Variants in MUSK observed in about 807,000 individuals in gnomAD.
The protein encoded by MUSK is muscle associated receptor tyrosine kinase.
In MUSK, 55 loss-of-function variants were observed where a neutral mutation model predicts 88.7. The observed-to-expected ratio is 0.62, with a 90% confidence interval of 0.50 to 0.78. MUSK has a LOEUF of 0.78. Among genes scored for constraint, MUSK ranks in the 30% least tolerant of loss-of-function variants. The pLI, the probability that MUSK is intolerant of heterozygous loss-of-function variation, is 0.00. For synonymous variants in MUSK, 387 were observed against 391.9 expected, an observed-to-expected ratio of 0.99 and a Z score of 0.15; for missense variants, 1,015 against 1,074.3, an observed-to-expected ratio of 0.94 and a Z score of 0.77.
At chr9:110,789,681 A>C (rs1184495490) in intron 14 of MUSK, among the ~76,000 whole-genome samples, 1 of 152,172 alleles carries the variant, frequency 6.6e-6, no homozygotes, top group Non-Finnish European at 1.5e-5. Context: ...TGAGAGGCTG[A>C]AGCAGGAGAA....
chr9:110,694,176 T>C (rs1239609286), intron 3 of MUSK, among the ~76,000 whole-genome samples: 1 of 130,914 alleles, frequency 7.6e-6, no homozygotes, highest in Admixed American at 8.9e-5. Context: ...ATCAAGATCA[T>C]CCTGACAACA....
chr9:110,741,335 C>T (rs897947221), intron 6 of MUSK, among the ~76,000 whole-genome samples: 1 of 152,002 alleles, frequency 6.6e-6, no homozygotes, highest in Non-Finnish European at 1.5e-5. Flanking sequence ...GTTTCAAAAA[C>T]TAATGCTTTG....
At chr9:110,706,106 CT>C in intron 5 of MUSK, 1 of 531,110 alleles carries the variant, frequency 1.9e-6, no homozygotes, top group South Asian at 1.4e-5. Flanking sequence ...CAGTTTGTGG[CT>C]TCTGCCCTCC....
chr9:110,751,975 TA>T (rs2077254094), intron 7 of MUSK, among the ~76,000 whole-genome samples: 2 of 152,142 alleles, frequency 1.3e-5, no homozygotes, highest in South Asian at 2.1e-4. Flanking sequence ...GCCTATTAAT[TA>T]AAAAATTGCT....
At chr9:110,693,906 A>G (rs1363792303) in intron 3 of MUSK, among the ~76,000 whole-genome samples, 1 of 152,108 alleles carries the variant, frequency 6.6e-6, no homozygotes, top group Non-Finnish European at 1.5e-5. Context: ...ACAACTCACA[A>G]TTGAGGAACC....
intron 6 of MUSK, among the ~76,000 whole-genome samples, chr9:110,739,690 G>T (rs2077073294): frequency 6.6e-6 from 1 of 152,114 alleles, no homozygotes; most frequent in Non-Finnish European, 1.5e-5. Context: ...CATTGAGTTA[G>T]CCCTTCAACT....
At chr9:110,755,968 A>ATATATATACG (rs2077314413) in intron 7 of MUSK, among the ~76,000 whole-genome samples, 4 of 53,928 alleles carry the variant, frequency 7.4e-5, no homozygotes, top group African/African-American at 1.6e-4. Context: ...ATATATACAT[A>ATATATATACG]TATATATATA....
chr9:110,680,938 T>C (rs1338893408), intron 1 of MUSK, among the ~76,000 whole-genome samples: 3 of 69,772 alleles, frequency 4.3e-5, no homozygotes, highest in Non-Finnish European at 5.2e-5. Context: ...GTTCTGTATA[T>C]TATAATGATC....
At chr9:110,694,614 G>A (rs932826251) in intron 3 of MUSK, among the ~76,000 whole-genome samples, 1 of 152,150 alleles carries the variant, frequency 6.6e-6, no homozygotes, top group East Asian at 1.9e-4. Flanking sequence ...TCTCTCTTGC[G>A]AAGTCCCCCT....
intron 7 of MUSK, among the ~76,000 whole-genome samples, chr9:110,761,287 AGCTACATAATTT>A (rs2077394218): frequency 6.6e-6 from 1 of 152,156 alleles, no homozygotes; most frequent in Non-Finnish European, 1.5e-5. Context: ...GAGCATGGGC[AGCTACATAATTT>A]GCAGGGCTAG....
chr9:110,757,071 A>T (rs990482032), intron 7 of MUSK, among the ~76,000 whole-genome samples: 1 of 152,216 alleles, frequency 6.6e-6, no homozygotes, highest in African/African-American at 2.4e-5. Flanking sequence ...AATTCACCCA[A>T]AATCAACTTC....
At chr9:110,756,634 T>G (rs549769163) in intron 7 of MUSK, among the ~76,000 whole-genome samples, 1 of 152,290 alleles carries the variant, frequency 6.6e-6, no homozygotes, top group African/African-American at 2.4e-5. Flanking sequence ...ATGAGATGTG[T>G]TGTTACCATT....
chr9:110,685,885 C>A lies in MUSK; in HGVS notation c.207-1232C>A, dbSNP rs149293117. Among the ~76,000 whole-genome samples the A allele has an allele frequency of 6.0e-3, 910 of 152,174 alleles. 27 individuals are homozygous for A. Among genetic ancestry groups the A allele is most frequent in the Admixed American group, 0.052 (795 of 15,268 alleles). ...CTTTTCAAATTTTTTTCGGTTCTAA[C>A]TATTCATCAATTGCAAAGCCACATC... is the stretch of plus-strand genomic sequence containing the variant. On this transcript the variant is annotated intron_variant, in intron 2 of 14. Coordinates refer to ENST00000374448, the MANE Select transcript of MUSK (RefSeq NM_005592.4).
At chr9:110,785,081 G>T in intron 12 of MUSK, 65 bp downstream of exon 12, 1 of 1,429,386 alleles carries the variant, frequency 7.0e-7, no homozygotes, top group Non-Finnish European at 9.8e-7. Flanking sequence ...TTATGGAGTT[G>T]GTATGACGTG....
At chr9:110,776,701 T>C in intron 11 of MUSK, 46 bp downstream of exon 11, 1 of 1,491,472 alleles carries the variant, frequency 6.7e-7, no homozygotes, top group Non-Finnish European at 9.2e-7. Flanking sequence ...TGTATGTAAT[T>C]GGATTCATGC....
chr9:110,684,295 C>T (rs2076167389), intron 2 of MUSK, among the ~76,000 whole-genome samples: 1 of 151,884 alleles, frequency 6.6e-6, no homozygotes, highest in East Asian at 1.9e-4. Flanking sequence ...GAGTTCACTG[C>T]AGGTGCATGA....
At chr9:110,713,229 A>G (rs1445884007) in intron 5 of MUSK, among the ~76,000 whole-genome samples, 1 of 151,330 alleles carries the variant, frequency 6.6e-6, no homozygotes, top group African/African-American at 2.4e-5. Flanking sequence ...CATGGAGATC[A>G]TCTTCTTGGT....
chr9:110,678,998 C>T (rs917051715), intron 1 of MUSK, among the ~76,000 whole-genome samples: 2 of 151,832 alleles, frequency 1.3e-5, no homozygotes, highest in Non-Finnish European at 2.9e-5. Context: ...GTTAAAATCT[C>T]CTATGTAGCT....
At chr9:110,721,560 A>C (rs186599829) in intron 5 of MUSK, among the ~76,000 whole-genome samples, 1 of 152,254 alleles carries the variant, frequency 6.6e-6, no homozygotes, top group Admixed American at 6.5e-5. Flanking sequence ...TCTACAAGGA[A>C]AACTACAAAA....
Sources: allele counts gnomAD v4.1 joint callset (sites outside exome capture counted in the v4.1 genomes callset), GRCh38; gene constraint gnomAD v4.1.1; transcripts MANE v1.5; gene names NCBI Gene and HGNC (gene_info 2026-07-23, HGNC 2026-07-21).